STK39: variants seen among roughly 807,000 people sequenced by gnomAD.
The protein encoded by STK39 is serine/threonine kinase 39.
Under a neutral mutation model 77.8 loss-of-function variants are expected in STK39, and 20 were observed. The ratio of observed to expected loss-of-function variants is 0.26; its 90% CI spans 0.18 to 0.37. The LOEUF is 0.37. STK39 is among the 10% of genes least tolerant of loss of function. The pLI, the probability that STK39 is intolerant of heterozygous loss-of-function variation, is 1.00. For synonymous variants in STK39, 246 were observed against 234.1 expected (o/e 1.05, Z -0.47); for missense variants, 479 against 656.5 (o/e 0.73, Z 2.95).
intron 14 of STK39, among the ~76,000 whole-genome samples, chr2:168,061,401 T>C (rs1190419088): frequency 6.6e-6 from 1 of 152,128 alleles, no homozygotes; most frequent in Non-Finnish European, 1.5e-5. Flanking sequence ...TAAAGAAAGT[T>C]AAACAAATTA....
At chr2:168,226,866 AAAT>A (rs1690321024) in intron 1 of STK39, among the ~76,000 whole-genome samples, 1 of 152,244 alleles carries the variant, frequency 6.6e-6, no homozygotes, top group Non-Finnish European at 1.5e-5. Flanking sequence ...TATCCCACAG[AAAT>A]AATAAAAACT....
At chr2:168,016,320 T>A (rs899613263) in intron 15 of STK39, among the ~76,000 whole-genome samples, 9 of 141,900 alleles carry the variant, frequency 6.3e-5, no homozygotes, top group African/African-American at 2.4e-4. Context: ...AGACTAGCAT[T>A]CAGGGACCAA....
intron 16 of STK39, among the ~76,000 whole-genome samples, chr2:168,011,281 A>G (rs1286837634): frequency 6.6e-6 from 1 of 152,210 alleles, no homozygotes; most frequent in African/African-American, 2.4e-5. Context: ...CCTGGGTGAC[A>G]GAGTGAGACC....
intron 16 of STK39, among the ~76,000 whole-genome samples, chr2:167,986,401 A>C (rs968557424): frequency 6.6e-6 from 1 of 152,170 alleles, no homozygotes; most frequent in Non-Finnish European, 1.5e-5. Flanking sequence ...ATGATATCAC[A>C]ATTTCTAAAC....
chr2:168,238,400 C>T (rs1690675705), intron 1 of STK39, among the ~76,000 whole-genome samples: 1 of 152,130 alleles, frequency 6.6e-6, no homozygotes, highest in South Asian at 2.1e-4. Context: ...ACATGAGCAC[C>T]CCCAATACTA....
At chr2:168,066,783 T>C (rs954427603) in intron 12 of STK39, among the ~76,000 whole-genome samples, 1 of 152,220 alleles carries the variant, frequency 6.6e-6, no homozygotes. Flanking sequence ...GGTGTAACCC[T>C]GAATACAACG....
At chr2:168,177,706 C>T (rs1030220877) in intron 2 of STK39, among the ~76,000 whole-genome samples, 4 of 152,112 alleles carry the variant, frequency 2.6e-5, no homozygotes, top group African/African-American at 4.8e-5. Flanking sequence ...GCATCCCTAG[C>T]CTTTGAGGTT....
chr2:167,956,607 T>C (rs1691773280), intron 17 of STK39, among the ~76,000 whole-genome samples: 1 of 149,458 alleles, frequency 6.7e-6, no homozygotes, highest in South Asian at 2.1e-4. Context: ...AACCTCTCAC[T>C]GGTCCTAATT....
In STK39 at chr2:168,105,054, G is replaced by A. The variant is rs117461479; in HGVS notation, c.1089+24487C>T. Among the ~76,000 whole-genome samples, 115 of 152,300 alleles carry A rather than the reference G, an allele frequency of 7.6e-4. No individual in the cohort carries two copies. In the East Asian group the frequency reaches 0.02, roughly 26 times the overall value. ...ACTGCACAGTACATTACCTTTTGGAGTTAAAATGAATAAATACTAAGACTG... is the reference window on the plus strand; with the variant it reads ...ACTGCACAGTACATTACCTTTTGGAATTAAAATGAATAAATACTAAGACTG... On this transcript the variant is annotated intron_variant, in intron 10 of 17. Transcript: ENST00000355999.
rs3063798 is a variant in STK39 at position 168,143,712 on chromosome 2, C to CA, written c.629-2955dup. On this transcript the variant is annotated intron_variant, in intron 5 of 17. Transcript: ENST00000355999. Reference sequence around the variant, plus strand: ...CTGGCAAGAGAGCAAGACTTTGTCTCAAAAAAAAAAAAAAGTCTTTCAAGG... The same window carrying CA: ...CTGGCAAGAGAGCAAGACTTTGTCTCAAAAAAAAAAAAAAAGTCTTTCAAGG... Among the ~76,000 whole-genome samples, 798 of 139,510 alleles carry CA rather than the reference C, an allele frequency of 5.7e-3. 5 individuals carry two copies. The highest frequency in any genetic ancestry group is 0.016 in the African/African-American group (620 of 38,880). The allele number at this position is 139,510 out of a possible 152,430, so 91.5% of individuals were successfully genotyped here.
rs560014025 is a variant in STK39 at position 168,077,127 on chromosome 2, A to G, written c.1090-1896T>C. 1.1e-3 allele frequency among the ~76,000 whole-genome samples: 168 copies of G among 152,354 alleles called. 1 individual carries two copies. The highest frequency in any genetic ancestry group is 3.9e-3 in the African/African-American group (162 of 41,588). The stretch of plus-strand genomic sequence containing the variant: ...ACTGTCAACTAAGAAGTGAGAAAAC[A>G]AGTAAAATTATCTATCAGACACAGA... On this transcript the variant is annotated intron_variant, in intron 10 of 17. Coordinates refer to ENST00000355999, the MANE Select transcript of STK39 (RefSeq NM_013233.3).
At chr2:168,183,997 A>C (rs1689145589) in intron 1 of STK39, among the ~76,000 whole-genome samples, 1 of 152,192 alleles carries the variant, frequency 6.6e-6, no homozygotes, top group South Asian at 2.1e-4. Context: ...TAACATCTTT[A>C]GCTGCTGGTG....
chr2:167,966,369 C>T (rs1692161063), intron 16 of STK39, among the ~76,000 whole-genome samples: 3 of 152,180 alleles, frequency 2.0e-5, no homozygotes, highest in Non-Finnish European at 4.4e-5. Context: ...ATGCAAATTA[C>T]AGCAAATGAA....
At chr2:168,209,736 C>T (rs533306736) in intron 1 of STK39, among the ~76,000 whole-genome samples, 3 of 152,230 alleles carry the variant, frequency 2.0e-5, no homozygotes, top group East Asian at 1.9e-4. Flanking sequence ...CGGAGGCTCA[C>T]GCCTGTAATC....
intron 15 of STK39, among the ~76,000 whole-genome samples, chr2:168,013,828 G>GTGTA (rs1366302854): frequency 4.0e-5 from 4 of 100,002 alleles, no homozygotes; most frequent in African/African-American, 1.4e-4. Flanking sequence ...GTGTGTGTGT[G>GTGTA]TGTGTGTATG....
In STK39 at chr2:168,013,622, G is replaced by A. The variant is rs188174299; in HGVS notation, c.1430-920C>T. On this transcript the variant is annotated intron_variant, in intron 15 of 17. Coordinates refer to ENST00000355999, the MANE Select transcript of STK39 (RefSeq NM_013233.3). ...CAGCAGGCTGTAACACTCTAGACGGGGGTTTGACAGAAATGTCTTCCAAAG... is the reference window on the plus strand; with the variant it reads ...CAGCAGGCTGTAACACTCTAGACGGAGGTTTGACAGAAATGTCTTCCAAAG... Among the ~76,000 whole-genome samples, 269 of 152,284 alleles carry A rather than the reference G, an allele frequency of 1.8e-3. 1 individual carries two copies. Among genetic ancestry groups the A allele is most frequent in the Non-Finnish European group, 2.9e-3 (197 of 68,026 alleles).
At chr2:168,120,052 A>C (rs531699568) in intron 10 of STK39, among the ~76,000 whole-genome samples, 1 of 152,314 alleles carries the variant, frequency 6.6e-6, no homozygotes, top group South Asian at 2.1e-4. Flanking sequence ...TCAATTTTAA[A>C]ATCCTGTAAC....
chr2:168,222,692 C>A (rs1416937764), intron 1 of STK39, among the ~76,000 whole-genome samples: 1 of 152,130 alleles, frequency 6.6e-6, no homozygotes, highest in East Asian at 1.9e-4. Flanking sequence ...TTTTATCTAT[C>A]TTAATTACCC....
chr2:168,090,642 T>G (rs1686495427), intron 10 of STK39, among the ~76,000 whole-genome samples: 1 of 152,204 alleles, frequency 6.6e-6, no homozygotes, highest in Non-Finnish European at 1.5e-5. Context: ...AAATATTAGT[T>G]GAACAAGTCA....
Sources: allele counts gnomAD v4.1 joint callset (sites outside exome capture counted in the v4.1 genomes callset), GRCh38; gene constraint gnomAD v4.1.1; transcripts MANE v1.5; gene names NCBI Gene and HGNC (gene_info 2026-07-23, HGNC 2026-07-21).